The following PDE1C variants were observed in gnomAD, a reference collection of about 807,000 sequenced individuals.
PDE1C encodes the protein dual specificity calcium/calmodulin-dependent 3',5'-cyclic nucleotide phosphodiesterase 1C.
PDE1C carries 62 observed loss-of-function variants against 93.1 expected under a neutral mutation model. That is an observed-to-expected ratio of 0.67 (90% CI 0.54 to 0.82). The LOEUF is 0.82. Ranked by LOEUF, PDE1C falls within the 40% of genes least tolerant of loss-of-function variation. PDE1C has a pLI of 0.00. For missense variants in PDE1C, 742 were observed against 884.6 expected (o/e 0.84, Z 2.04); for synonymous variants, 325 against 310.1 (o/e 1.05, Z -0.50).
the PDE1C span, among the ~76,000 whole-genome samples, chr7:31,644,594 T>C: frequency 6.6e-6 from 1 of 152,226 alleles, no homozygotes; most frequent in Non-Finnish European, 1.5e-5. Flanking sequence ...CTACCTTTGC[T>C]GAGCCTATTT....
intron 1 of PDE1C, among the ~76,000 whole-genome samples, chr7:32,055,704 A>G (rs1793983185): frequency 6.6e-6 from 1 of 152,204 alleles, no homozygotes; most frequent in African/African-American, 2.4e-5. Flanking sequence ...AATCTGAAAG[A>G]CAAAGGGAAT....
At chr7:31,667,789 G>C in the PDE1C span, among the ~76,000 whole-genome samples, 6 of 152,118 alleles carry the variant, frequency 3.9e-5, no homozygotes, top group Non-Finnish European at 1.5e-5. Flanking sequence ...GACTGAGGCA[G>C]GTCTCAATCA....
the PDE1C span, among the ~76,000 whole-genome samples, chr7:31,619,311 T>G: frequency 1.3e-5 from 2 of 152,154 alleles, no homozygotes; most frequent in Non-Finnish European, 2.9e-5. Flanking sequence ...GTCCATAAAG[T>G]TAGTGATTTA....
chr7:31,912,335 T>C (rs1175608347), intron 2 of PDE1C, among the ~76,000 whole-genome samples: 2 of 152,208 alleles, frequency 1.3e-5, no homozygotes, highest in South Asian at 2.1e-4. Context: ...ACCATGCTTC[T>C]GAAATGAGAT....
At chr7:31,926,801 G>A (rs576928423) in intron 2 of PDE1C, among the ~76,000 whole-genome samples, 22 of 148,432 alleles carry the variant, frequency 1.5e-4, no homozygotes, top group African/African-American at 5.3e-4. Flanking sequence ...CGGCAGACCA[G>A]GAGATTCCTG....
intron 1 of PDE1C, among the ~76,000 whole-genome samples, chr7:32,235,139 C>G (rs1443455720): frequency 6.6e-6 from 1 of 151,962 alleles, no homozygotes; most frequent in Non-Finnish European, 1.5e-5. Flanking sequence ...AAACCTACAG[C>G]TAAAATCATA....
intron 7 of PDE1C, among the ~76,000 whole-genome samples, chr7:31,853,459 C>G (rs1357821961): frequency 6.6e-6 from 1 of 152,104 alleles, no homozygotes; most frequent in South Asian, 2.1e-4. Context: ...GAGCAAGTCC[C>G]AGCAGCAAAA....
chr7:32,116,997 C>A (rs917915632), intron 3 of PDE1C, among the ~76,000 whole-genome samples: 1 of 152,298 alleles, frequency 6.6e-6, no homozygotes, highest in East Asian at 1.9e-4. Context: ...CACTTTTATA[C>A]ACAAGTTATT....
chr7:31,828,450 G>T, intron 11 of PDE1C, 77 bp from the exon 12 acceptor site: 3 of 892,554 alleles, frequency 3.4e-6, no homozygotes, highest in Non-Finnish European at 5.4e-6. Context: ...AACTTCTGCC[G>T]CCACGGAGGC....
the PDE1C span, among the ~76,000 whole-genome samples, chr7:31,744,432 C>T: frequency 6.6e-6 from 1 of 152,056 alleles, no homozygotes; most frequent in Non-Finnish European, 1.5e-5. Flanking sequence ...CTAAAAACTA[C>T]CTTGAAGGAT....
At chr7:32,138,264 G>C (rs1800318498) in intron 3 of PDE1C, among the ~76,000 whole-genome samples, 1 of 152,086 alleles carries the variant, frequency 6.6e-6, no homozygotes, top group South Asian at 2.1e-4. Context: ...GTACCACATA[G>C]TAGTAATCTA....
At chr7:31,990,362 G>A (rs149871547) in intron 2 of PDE1C, among the ~76,000 whole-genome samples, 38 of 152,192 alleles carry the variant, frequency 2.5e-4, no homozygotes, top group African/African-American at 8.9e-4. Context: ...ACATGACTTC[G>A]CTCTTCATTC....
At chr7:32,070,932 T>G (rs1193436928), upstream of PDE1C, 1 of 985,132 alleles carries the variant, frequency 1.0e-6, no homozygotes, top group African/African-American at 1.7e-5. Flanking sequence ...CCCCGCTCAC[T>G]CCCTGGCCGC....
At chr7:31,976,667 C>T (rs189398694) in intron 2 of PDE1C, among the ~76,000 whole-genome samples, 39 of 152,310 alleles carry the variant, frequency 2.6e-4, no homozygotes, top group Middle Eastern at 6.8e-3. Flanking sequence ...CCACTAGTCT[C>T]TCATATGGAC....
chr7:31,629,676 CA>C, the PDE1C span, among the ~76,000 whole-genome samples: 1 of 152,152 alleles, frequency 6.6e-6, no homozygotes, highest in Non-Finnish European at 1.5e-5. Flanking sequence ...ACTCACCTCT[CA>C]AAAAGCATCC....
intron 3 of PDE1C, among the ~76,000 whole-genome samples, chr7:32,162,775 G>A (rs191963091): frequency 6.9e-4 from 105 of 152,176 alleles, no homozygotes; most frequent in Non-Finnish European, 1.2e-3. Flanking sequence ...GAGGCCATGC[G>A]TCAAGTTCAC....
intron 1 of PDE1C, among the ~76,000 whole-genome samples, chr7:32,217,156 C>T (rs1806496426): frequency 6.6e-6 from 1 of 152,240 alleles, no homozygotes; most frequent in Non-Finnish European, 1.5e-5. Flanking sequence ...CCTATTAAGC[C>T]TCCCATAGGT....
At chr7:32,171,248 A>G (rs193281730) in intron 2 of PDE1C, among the ~76,000 whole-genome samples, 53 of 152,260 alleles carry the variant, frequency 3.5e-4, no homozygotes, top group African/African-American at 1.3e-3. Flanking sequence ...AAAACACCCA[A>G]TCTAGCCATG....
At chr7:32,289,479 C>G (rs1019022291) in intron 1 of PDE1C, among the ~76,000 whole-genome samples, 1 of 152,176 alleles carries the variant, frequency 6.6e-6, no homozygotes, top group Non-Finnish European at 1.5e-5. Context: ...TATCAATTCA[C>G]ATTTTGTTTT....
Sources: gnomAD v4.1 joint callset for allele counts (sites outside exome capture counted in the v4.1 genomes callset) on GRCh38, gnomAD v4.1.1 for gene constraint, MANE v1.5 for transcripts, NCBI Gene and HGNC (gene_info 2026-07-23, HGNC 2026-07-21) for gene names.